The following TGDS variants were observed in gnomAD, a reference collection of about 807,000 sequenced individuals.
TGDS encodes the protein UDP-D-glucose 4,6-dehydratase.
TGDS carries 47 observed loss-of-function variants against 52.3 expected under a neutral mutation model. That is an observed-to-expected ratio of 0.90 (90% CI 0.71 to 1.15). The LOEUF (loss-of-function observed/expected upper bound fraction) is 1.15, where lower values mean the gene tolerates loss of function less well. Ranked by LOEUF, TGDS falls within the 50% of genes most tolerant of loss-of-function variation. TGDS has a pLI of 0.00. For synonymous variants in TGDS, 115 were observed against 136.9 expected, an observed-to-expected ratio of 0.84 and a Z score of 1.12; for missense variants, 375 against 418.4, an observed-to-expected ratio of 0.90 and a Z score of 0.90.
At chr13:94,586,394 C>T (rs1888983488) in intron 4 of TGDS, among the ~76,000 whole-genome samples, 1 of 152,094 alleles carries the variant, frequency 6.6e-6, no homozygotes. Flanking sequence ...GATTTTAAAG[C>T]AGTACACATC....
intron 5 of TGDS, among the ~76,000 whole-genome samples, chr13:94,581,911 AT>A (rs999664523): frequency 2.6e-5 from 4 of 152,170 alleles, no homozygotes; most frequent in African/African-American, 9.7e-5. Context: ...TAAAAAATAG[AT>A]TCTAAGGCTG....
chr13:94,580,977 A>G (rs1270698521), intron 6 of TGDS, 114 bp downstream of exon 6: 6 of 601,346 alleles, frequency 1.0e-5, no homozygotes, highest in Non-Finnish European at 1.6e-5. Context: ...TCTCCGAACA[A>G]TAAATAGAAA....
At chr13:94,595,526 A>T (rs1347792781) in intron 1 of TGDS, among the ~76,000 whole-genome samples, 3 of 152,202 alleles carry the variant, frequency 2.0e-5, no homozygotes, top group Non-Finnish European at 4.4e-5. Flanking sequence ...TGGAAACGGG[A>T]AACTGGTGAG....
intron 4 of TGDS, among the ~76,000 whole-genome samples, chr13:94,584,302 G>C (rs1482087530): frequency 6.6e-6 from 1 of 150,814 alleles, no homozygotes. Flanking sequence ...GTGAAAATCA[G>C]GTCTTTAGGA....
Position 94,577,534 on chromosome 13 carries a change from GGAA to G in TGDS, c.826-108_826-106del, listed in dbSNP as rs1888643108. The G allele has an allele frequency of 3.7e-6, 3 of 804,480 alleles. No homozygotes were observed. The African/African-American group carries it at 5.4e-5, about 14-fold the overall frequency. The allele number at this position is 804,480 out of a possible 1,614,324, so 49.8% of individuals were successfully genotyped here. A position where few individuals can be genotyped will look rare whatever the true frequency, so the allele number is the denominator to read the frequency against. ...AAAGAAAACAACTGCCTCATAGCAGGGAAGACAGCTAAAATGAACATCATTTTA... is the reference window on the plus strand; with the variant it reads ...AAAGAAAACAACTGCCTCATAGCAGGGACAGCTAAAATGAACATCATTTTA... On this transcript the variant is annotated intron_variant, in intron 9 of 11. Coordinates refer to ENST00000261296, the MANE Select transcript of TGDS (RefSeq NM_014305.4).
At chr13:94,590,209 T>C (rs898119863) in intron 4 of TGDS, among the ~76,000 whole-genome samples, 9 of 147,924 alleles carry the variant, frequency 6.1e-5, no homozygotes, top group African/African-American at 2.2e-4. Flanking sequence ...ATATTAAGTA[T>C]ATTTATATAT....
intron 2 of TGDS, among the ~76,000 whole-genome samples, chr13:94,593,523 T>G (rs1429432503): frequency 3.9e-5 from 6 of 152,182 alleles, no homozygotes; most frequent in Non-Finnish European, 5.9e-5. Context: ...TTAAGGCTTA[T>G]AATCACCAAA....
At chr13:94,583,009 G>A (rs529489127) in intron 5 of TGDS, 85 bp downstream of exon 5, 53 of 1,420,492 alleles carry the variant, frequency 3.7e-5, no homozygotes, top group Non-Finnish European at 5.0e-5. Context: ...TATAATTTGA[G>A]GATGAAAAAA....
intron 5 of TGDS, among the ~76,000 whole-genome samples, chr13:94,582,764 C>T (rs1162836750): frequency 6.6e-6 from 1 of 152,188 alleles, no homozygotes; most frequent in Non-Finnish European, 1.5e-5. Flanking sequence ...GCCTAGCCTC[C>T]CAGCCTACAT....
chr13:94,590,178 T>C (rs932443188), intron 4 of TGDS, among the ~76,000 whole-genome samples: 1 of 147,896 alleles, frequency 6.8e-6, no homozygotes, highest in Non-Finnish European at 1.5e-5. Context: ...TATATATATA[T>C]ATAAAATATA....
intron 1 of TGDS, among the ~76,000 whole-genome samples, chr13:94,594,685 C>A (rs944537518): frequency 2.6e-5 from 4 of 152,202 alleles, no homozygotes; most frequent in Admixed American, 6.5e-5. Flanking sequence ...CGCACTCTCA[C>A]ACAAGTATCA....
At chr13:94,577,631 A>ATTATTCAG (rs1412511139) in intron 9 of TGDS, among the ~76,000 whole-genome samples, 1 of 152,152 alleles carries the variant, frequency 6.6e-6, no homozygotes, top group Non-Finnish European at 1.5e-5. Flanking sequence ...GATTTTGGTT[A>ATTATTCAG]TTATTCAGTT....
intron 1 of TGDS, among the ~76,000 whole-genome samples, chr13:94,595,657 C>CTATT (rs1889348787): frequency 6.6e-6 from 1 of 152,092 alleles, no homozygotes; most frequent in Admixed American, 6.5e-5. Flanking sequence ...CATAGATGTC[C>CTATT]TATTATAGTC....
intron 4 of TGDS, 41 bp from the exon 5 acceptor site, chr13:94,583,277 C>T (rs550243816): frequency 4.7e-5 from 75 of 1,589,744 alleles, no homozygotes; most frequent in Admixed American, 7.1e-5. Flanking sequence ...GTCTACCCAA[C>T]GGATAAAACA....
chr13:94,581,142 T>C lies in TGDS; in HGVS notation c.504A>G (p.Ser168=). 6.3e-7 allele frequency: 1 copy of C among 1,597,022 alleles called. No individual in the cohort carries two copies. Among genetic ancestry groups the C allele is most frequent in the Non-Finnish European group, 8.5e-7 (1 of 1,171,230 alleles). Residue 168 remains serine (S), a synonymous_variant, in exon 6 of 12, where the codon TCA becomes TCG. Coordinates refer to ENST00000261296, the MANE Select transcript of TGDS (RefSeq NM_014305.4). ...SPKQPTNPYA[S]SKAAAECFVQ... is the part of the protein sequence containing the mutation. ...CAAAACATTCAGCAGCTGCTTTAGATGATGCATAAGGATTTGTAGGTTGTT... is the reference window on the plus strand; with the variant it reads ...CAAAACATTCAGCAGCTGCTTTAGACGATGCATAAGGATTTGTAGGTTGTT...
intron 4 of TGDS, among the ~76,000 whole-genome samples, chr13:94,587,007 C>T (rs958184168): frequency 2.6e-5 from 4 of 152,024 alleles, no homozygotes; most frequent in African/African-American, 9.7e-5. Flanking sequence ...TCAAGTGATT[C>T]GCCTGCCTTG....
intron 1 of TGDS, among the ~76,000 whole-genome samples, chr13:94,594,336 CT>C (rs1594460318): frequency 6.6e-6 from 1 of 152,132 alleles, no homozygotes; most frequent in East Asian, 1.9e-4. Flanking sequence ...AGTCAGTTGT[CT>C]ATATTTAATA....
intron 4 of TGDS, among the ~76,000 whole-genome samples, chr13:94,589,595 T>C (rs571054168): frequency 6.6e-6 from 1 of 152,316 alleles, no homozygotes; most frequent in East Asian, 1.9e-4. Flanking sequence ...ATTACAGGCG[T>C]GAGCCACCGC....
At chr13:94,588,912 T>C (rs76154262) in intron 4 of TGDS, among the ~76,000 whole-genome samples, 1,655 of 152,268 alleles carry the variant, frequency 0.011, 38 homozygotes, top group African/African-American at 0.038. Context: ...TTTCAATAAA[T>C]GGTACAGGAA....
Sources: gnomAD v4.1 joint callset for allele counts (sites outside exome capture counted in the v4.1 genomes callset) on GRCh38, gnomAD v4.1.1 for gene constraint, MANE v1.5 for transcripts, NCBI Gene and HGNC (gene_info 2026-07-23, HGNC 2026-07-21) for gene names.